Variants in PACSIN3 observed in about 807,000 individuals in gnomAD.
PACSIN3 encodes protein kinase C and casein kinase substrate in neurons protein 3.
PACSIN3 carries 34 observed loss-of-function variants against 56.1 expected under a neutral mutation model. The ratio of observed to expected loss-of-function variants is 0.61; its 90% CI spans 0.46 to 0.81. The LOEUF is 0.81. Among genes scored for constraint, PACSIN3 ranks in the 30% least tolerant of loss-of-function variants. The probability of loss-of-function intolerance (pLI) is 0.00; values close to 1 mark genes in which losing one functional copy is unlikely to be tolerated. For synonymous variants in PACSIN3, 218 were observed against 229.8 expected, an observed-to-expected ratio of 0.95 and a Z score of 0.46; for missense variants, 535 against 592.4, an observed-to-expected ratio of 0.90 and a Z score of 1.01.
Position 47,182,533 on chromosome 11 carries a change from C to A in PACSIN3, c.81G>T (p.Gln27His). 6.2e-7 allele frequency: 1 copy of A among 1,612,956 alleles called. No individual in the cohort carries two copies. The highest frequency in any genetic ancestry group is 8.5e-7 in the Non-Finnish European group (1 of 1,179,544). The stretch of plus-strand genomic sequence containing the variant: ...ACAGCCGGTGCCCGTCCTCCACCCG[C>A]TGTACCGTGCGCCTGTAGTTGCCAG... ...WEAGNYRRTVQRVEDGHRLCG... is the reference protein window; with the variant it reads ...WEAGNYRRTVHRVEDGHRLCG... Residue 27 changes from glutamine to histidine, a missense_variant, in exon 4 of 11, where the codon CAG becomes CAT. Physicochemically the swap from Gln to His is conservative, Grantham distance 24 (BLOSUM62 0). Coordinates refer to ENST00000298838, the MANE Select transcript of PACSIN3 (RefSeq NM_016223.5).
At chr11:47,182,278 G>T in intron 4 of PACSIN3, 125 bp downstream of exon 4, 1 of 879,376 alleles carries the variant, frequency 1.1e-6, no homozygotes, top group Non-Finnish European at 1.7e-6. Flanking sequence ...TGACCAGGAG[G>T]ATCTTCCCTT....
chr11:47,178,082 T>G lies in PACSIN3; in HGVS notation c.1160-36A>C, dbSNP rs1333333564. ...GGGGATTGGTCACTGCCAGTGGCCC[T>G]GGCCCAGGCCCTGTTCCTGCAACTG... On this transcript the variant is annotated intron_variant, in intron 10 of 10. Coordinates refer to ENST00000298838, the MANE Select transcript of PACSIN3 (RefSeq NM_016223.5). The surrounding 1 kb of genome is among the most constrained non-coding windows in gnomAD (Gnocchi z 4.2). The G allele has an allele frequency of 1.9e-6, 3 of 1,546,668 alleles. No homozygotes were observed. The African/African-American group carries it at 4.1e-5, about 21-fold the overall frequency.
In PACSIN3 at chr11:47,179,216, CA is replaced by C. The variant is rs1462847222; in HGVS notation, c.842del (p.Leu281ArgfsTer14). 1 of 1,613,946 alleles carries C rather than the reference CA, an allele frequency of 6.2e-7. No homozygotes were observed. Among genetic ancestry groups the C allele is most frequent in the Non-Finnish European group, 8.5e-7 (1 of 1,180,042 alleles). On this transcript the variant is annotated frameshift_variant, in exon 8 of 11. Coordinates refer to ENST00000298838, the MANE Select transcript of PACSIN3 (RefSeq NM_016223.5). LOFTEE classifies it high-confidence loss of function. This position sits in a 1 kb window ranked among gnomAD's most constrained non-coding sequence, Gnocchi z 4.4. Reference sequence around the variant, plus strand: ...GCCCGTGGGTGCTGCGCCACCAGCGCAGATCCTCTTCGTCACTGGCTGCCTC... The same window carrying C: ...GCCCGTGGGTGCTGCGCCACCAGCGCGATCCTCTTCGTCACTGGCTGCCTC... ...GIEAASDEED[L>X]RWWRSTHGPG...
At chr11:47,180,053 T>A in intron 6 of PACSIN3, 133 bp downstream of exon 6, 1 of 810,112 alleles carries the variant, frequency 1.2e-6, no homozygotes, top group Middle Eastern at 3.7e-4. Flanking sequence ...TAAATGATCA[T>A]CTGGAGAGAG....
chr11:47,180,953 A>G (rs1454707342), intron 4 of PACSIN3, among the ~76,000 whole-genome samples: 1 of 152,214 alleles, frequency 6.6e-6, no homozygotes, highest in African/African-American at 2.4e-5. Context: ...AACTCGCCCA[A>G]AGCATTATGG....
chr11:47,182,745 G>A lies in PACSIN3; in HGVS notation c.-18C>T, dbSNP rs1953052273. 3 of 1,607,094 alleles carry A rather than the reference G, an allele frequency of 1.9e-6. No individual in the cohort carries two copies. The highest frequency in any genetic ancestry group is 1.7e-5 in the Admixed American group (1 of 58,370). ...GGAGCCATGGTGTCCCCGCAGCACG[G>A]AATGGTGGCGGATTTGGGGCTGTGG... On this transcript the variant is annotated 5_prime_UTR_variant, in exon 3 of 11. Transcript: ENST00000298838.
rs1435254787 is a variant in PACSIN3 at position 47,180,499 on chromosome 11, C to T, written c.403G>A (p.Gly135Ser). 3.7e-6 allele frequency: 6 copies of T among 1,603,766 alleles called. No homozygotes were observed. Among genetic ancestry groups the T allele is most frequent in the South Asian group, 1.1e-5 (1 of 90,938 alleles). Residue 135 changes from glycine (G) to serine (S), a missense_variant, in exon 5 of 11, where the codon GGC (glycine) becomes AGC (serine). Physicochemically the swap from Gly to Ser is moderately conservative, Grantham distance 56 (BLOSUM62 0). Coordinates refer to ENST00000298838, the MANE Select transcript of PACSIN3 (RefSeq NM_016223.5). ...CAGGGCTTCTGGGCCTTGCGGAAGC[C>T]GTCCTCGGCCGCCCGGCTCTCGCGG... ...GFRESRAAED[G>S]FRKAQKPWLK...
At position 47,182,994 on chromosome 11, in the gene PACSIN3, C is replaced by T; in HGVS notation, c.-38+10G>A. On this transcript the variant is annotated intron_variant, in intron 2 of 10. Transcript: ENST00000298838. ...CTGCTCTGCACTTCCCCCCCCGCCC[C>T]CCCACATACCTGGGGCCTAGAGATC... 2.4e-6 allele frequency: 1 copy of T among 422,570 alleles called. No homozygotes were observed. The highest frequency in any genetic ancestry group is 4.2e-6 in the Non-Finnish European group (1 of 239,856). 26.2% of individuals were successfully genotyped at this position (422,570 alleles called of 1,614,324 possible).
At chr11:47,181,617 GGT>G (rs1953026485) in intron 4 of PACSIN3, among the ~76,000 whole-genome samples, 1 of 152,026 alleles carries the variant, frequency 6.6e-6, no homozygotes, top group African/African-American at 2.4e-5. Context: ...AGAGCCCAGG[GGT>G]TCAAAACCAG....
Position 47,180,488 on chromosome 11 carries a change from C to G in PACSIN3, c.414G>C (p.Lys138Asn). 1 of 1,603,822 alleles carries G rather than the reference C, an allele frequency of 6.2e-7. No homozygotes were observed. The highest frequency in any genetic ancestry group is 1.1e-5 in the South Asian group (1 of 90,890). The change falls in exon 5 of 11, where the codon AAG (lysine) becomes AAC (asparagine). Residue 138 changes from lysine to asparagine, a missense_variant. Transcript: ENST00000298838. ...GCCTCTTCAGCCAGGGCTTCTGGGC[C>G]TTGCGGAAGCCGTCCTCGGCCGCCC... ...ESRAAEDGFR[K>N]AQKPWLKRLK...
In PACSIN3 at chr11:47,177,959, G is replaced by T; in HGVS notation, c.1247C>A (p.Ala416Asp). ...GGCGCCCACACACTCCACGTAGTTGGCAGGGTACAGGCCAATGCGGCCACT... is the reference window on the plus strand; with the variant it reads ...GGCGCCCACACACTCCACGTAGTTGTCAGGGTACAGGCCAATGCGGCCACT... ...LQSGRIGLYP[A>D]NYVECVGA Residue 416 changes from alanine to aspartate, a missense_variant, in exon 11 of 11, where the codon GCC becomes GAC. Coordinates refer to ENST00000298838, the MANE Select transcript of PACSIN3 (RefSeq NM_016223.5). 2 of 1,613,996 alleles carry T rather than the reference G, an allele frequency of 1.2e-6. No homozygotes were observed. Among genetic ancestry groups the T allele is most frequent in the Non-Finnish European group, 1.7e-6 (2 of 1,179,904 alleles).
chr11:47,179,089 T>A lies in PACSIN3; in HGVS notation c.901-59A>T, dbSNP rs1463718355. On this transcript the variant is annotated intron_variant, in intron 8 of 10. Transcript: ENST00000298838. The surrounding 1 kb of genome is among the most constrained non-coding windows in gnomAD (Gnocchi z 4.4). Reference sequence around the variant, plus strand: ...ATCTGAACCACCTTCACTTACTTCATCCCTAGCCCTGGCCGAGCTGAGTGG... The same window carrying A: ...ATCTGAACCACCTTCACTTACTTCAACCCTAGCCCTGGCCGAGCTGAGTGG... 8 of 1,613,788 alleles carry A rather than the reference T, an allele frequency of 5.0e-6. No individual in the cohort carries two copies. Among genetic ancestry groups the A allele is most frequent in the Non-Finnish European group, 6.8e-6 (8 of 1,179,910 alleles).
rs1464206900 is a variant in PACSIN3, at chr11:47,177,990, A to G, written c.1216T>C (p.Leu406=). The change falls in exon 11 of 11, where the codon TTG becomes CTG. Residue 406 remains leucine (L), a synonymous_variant. Transcript: ENST00000298838. The part of the protein sequence containing the change: ...EDEQGWCQGQ[L]QSGRIGLYPA... Reference sequence around the variant, plus strand: ...TACAGGCCAATGCGGCCACTCTGCAACTGGCCTTGGCACCAGCCCTGCTCG... The same window carrying G: ...TACAGGCCAATGCGGCCACTCTGCAGCTGGCCTTGGCACCAGCCCTGCTCG... The G allele has an allele frequency of 6.2e-7, 1 of 1,614,150 alleles. No homozygotes were observed. Among genetic ancestry groups the G allele is most frequent in the African/African-American group, 1.3e-5 (1 of 75,060 alleles).
At chr11:47,183,330 C>G (rs1381438067) in intron 1 of PACSIN3, 1 of 152,368 alleles carries the variant, frequency 6.6e-6, no homozygotes, top group African/African-American at 2.4e-5. Flanking sequence ...ACAAGACAAC[C>G]CTGTTACCCG....
rs147818380 is a variant in PACSIN3, at chr11:47,179,263, G to C, written c.796C>G (p.Arg266Gly). The C allele has an allele frequency of 3.7e-6, 6 of 1,613,908 alleles. No homozygotes were observed. The highest frequency in any genetic ancestry group is 5.1e-6 in the Non-Finnish European group (6 of 1,180,030). Reference sequence around the variant, plus strand: ...GCCTCAATGCCCTGGTGCAAGTCACGGTGGAGTTCATGGAACCTATGACCC... The same window carrying C: ...GCCTCAATGCCCTGGTGCAAGTCACCGTGGAGTTCATGGAACCTATGACCC... ...SSSEKFHELH[R>G]DLHQGIEAAS... Residue 266 changes from arginine to glycine, a missense_variant, in exon 8 of 11, where the codon CGT (arginine) becomes GGT (glycine). By Grantham distance (125) the Arg-to-Gly change is moderately radical. Coordinates refer to ENST00000298838, the MANE Select transcript of PACSIN3 (RefSeq NM_016223.5). This position sits in a 1 kb window ranked among gnomAD's most constrained non-coding sequence, Gnocchi z 4.4.
At chr11:47,185,073 C>G (rs1953093707) in intron 1 of PACSIN3, among the ~76,000 whole-genome samples, 1 of 152,240 alleles carries the variant, frequency 6.6e-6, no homozygotes, top group Admixed American at 6.5e-5. Flanking sequence ...CCCTGTGCCT[C>G]CTGAGCTCAG....
Position 47,179,022 on chromosome 11 carries a change from G to A in PACSIN3, c.909C>T (p.Ser303=). Residue 303 remains serine, a synonymous_variant, in exon 9 of 11, where the codon TCC becomes TCT. Transcript: ENST00000298838. This position sits in a 1 kb window ranked among gnomAD's most constrained non-coding sequence, Gnocchi z 4.4. The part of the protein sequence containing the change: ...AMNWPQFEEW[S]LDTQRTISRK... ...GGCTGATTGTCCTCTGTGTGTCCAA[G>A]GACCACTCCTGTGGGGACAGTGCTT... The A allele has an allele frequency of 6.2e-7, 1 of 1,614,130 alleles. No individual in the cohort carries two copies. The highest frequency in any genetic ancestry group is 8.5e-7 in the Non-Finnish European group (1 of 1,180,030).
Position 47,182,467 on chromosome 11 carries a change from G to T in PACSIN3, c.147C>A (p.Ile49=). Residue 49 remains isoleucine, a synonymous_variant, in exon 4 of 11, where the codon ATC becomes ATA. Coordinates refer to ENST00000298838, the MANE Select transcript of PACSIN3 (RefSeq NM_016223.5). ...CCAACTGCTGGGCATAAGCCTTCTC[G>T]ATGCGGGCGCGCTCCTGGAAGCAGC... ...LVSCFQERAR[I]EKAYAQQLAD... is the part of the protein sequence containing the mutation. 6.2e-7 allele frequency: 1 copy of T among 1,606,906 alleles called. No individual in the cohort carries two copies. The highest frequency in any genetic ancestry group is 1.1e-5 in the South Asian group (1 of 91,068).
In PACSIN3 at chr11:47,178,521, T is replaced by A; in HGVS notation, c.1038-34A>T. 6.2e-7 allele frequency: 1 copy of A among 1,607,678 alleles called. No homozygotes were observed. The highest frequency in any genetic ancestry group is 8.5e-7 in the Non-Finnish European group (1 of 1,176,540). ...GGGAGGCAAAGGGAGCAGCTCAGAG[T>A]GCAAGGAACACGGGGCTGGAGATCT... On this transcript the variant is annotated intron_variant, in intron 9 of 10. Transcript: ENST00000298838. This position sits in a 1 kb window ranked among gnomAD's most constrained non-coding sequence, Gnocchi z 4.2.
Sources: gnomAD v4.1 joint callset for allele counts (sites outside exome capture counted in the v4.1 genomes callset) on GRCh38, gnomAD v4.1.1 for gene constraint, Gnocchi (gnomAD v3.1) non-coding constraint, MANE v1.5 for transcripts, NCBI Gene and HGNC (gene_info 2026-07-23, HGNC 2026-07-21) for gene names.